CHD7: variants seen among roughly 807,000 people sequenced by gnomAD.
CHD7 encodes ATP-dependent chromatin remodeler CHD7.
CHD7 carries 24 observed loss-of-function variants against 307.3 expected under a neutral mutation model. That is an observed-to-expected ratio of 0.08 (90% CI 0.06 to 0.11). The LOEUF (loss-of-function observed/expected upper bound fraction) is 0.11. Ranked by LOEUF, CHD7 falls within the 10% of genes least tolerant of loss-of-function variation. The pLI, the probability that CHD7 is intolerant of heterozygous loss-of-function variation, is 1.00. For synonymous variants in CHD7, 1,363 were observed against 1,349.9 expected, an observed-to-expected ratio of 1.01 and a Z score of -0.21; for missense variants, 3,106 against 3,727.1, an observed-to-expected ratio of 0.83 and a Z score of 4.34.
chr8:60,858,212 C>T (rs529098446), intron 34 of CHD7, among the ~76,000 whole-genome samples: 13 of 152,330 alleles, frequency 8.5e-5, no homozygotes, highest in African/African-American at 2.9e-4. Flanking sequence ...ATCGAGATTG[C>T]ATCACTGCAC....
chr8:60,761,383 C>T (rs1367483665), intron 2 of CHD7, among the ~76,000 whole-genome samples: 1 of 151,110 alleles, frequency 6.6e-6, no homozygotes, highest in Non-Finnish European at 1.5e-5. Context: ...GGGAGATATA[C>T]CTAATGCTAA....
At chr8:60,844,130 G>T (rs541705481) in intron 21 of CHD7, among the ~76,000 whole-genome samples, 1 of 152,326 alleles carries the variant, frequency 6.6e-6, no homozygotes, top group South Asian at 2.1e-4. Flanking sequence ...TATTTGTTGT[G>T]TGGTCTTACT....
intron 1 of CHD7, among the ~76,000 whole-genome samples, chr8:60,700,650 C>G (rs1040675037): frequency 6.6e-6 from 1 of 152,214 alleles, no homozygotes; most frequent in Non-Finnish European, 1.5e-5. Context: ...GTCACATGGT[C>G]TGTCAACATG....
At chr8:60,719,136 C>T (rs1198258833) in intron 1 of CHD7, among the ~76,000 whole-genome samples, 1 of 152,232 alleles carries the variant, frequency 6.6e-6, no homozygotes, top group Non-Finnish European at 1.5e-5. Flanking sequence ...ACTATGTTTA[C>T]AGGTAGCCTC....
At chr8:60,863,285 T>G (rs1280032335) in intron 37 of CHD7, 1 of 152,014 alleles carries the variant, frequency 6.6e-6, no homozygotes, top group African/African-American at 2.4e-5. Context: ...TGACCTGTTG[T>G]CCATCCCTGT....
intron 2 of CHD7, among the ~76,000 whole-genome samples, chr8:60,761,068 A>C (rs976625734): frequency 2.6e-5 from 4 of 152,204 alleles, no homozygotes; most frequent in East Asian, 1.9e-4. Context: ...CATTATTCAC[A>C]ATAGCAAAGA....
Position 60,842,009 on chromosome 8 carries a change from A to C in CHD7, c.4807A>C (p.Arg1603=), listed in dbSNP as rs1804997270. 6.2e-7 allele frequency: 1 copy of C among 1,613,964 alleles called. No homozygotes were observed. Among genetic ancestry groups the C allele is most frequent in the African/African-American group, 1.3e-5 (1 of 75,058 alleles). The change falls in exon 21 of 38, where the codon AGG becomes CGG. Residue 1603 remains arginine, a synonymous_variant. Transcript: ENST00000423902. ...RPQDKSQGYA[R]SECFRVEKNL... ...CCAGGATAAGTCACAGGGCTATGCA[A>C]GGAGTGAATGTTTCAGGGTGGAGAA...
At chr8:60,692,366 T>C (rs1806240193) in intron 1 of CHD7, among the ~76,000 whole-genome samples, 1 of 152,248 alleles carries the variant, frequency 6.6e-6, no homozygotes, top group Admixed American at 6.5e-5. Context: ...TATTTTCATT[T>C]CTACCACTGA....
intron 1 of CHD7, among the ~76,000 whole-genome samples, chr8:60,734,463 C>T (rs1178271073): frequency 6.6e-6 from 1 of 152,110 alleles, no homozygotes; most frequent in African/African-American, 2.4e-5. Flanking sequence ...AGCTTCTGCC[C>T]ATGTTGATGT....
intron 2 of CHD7, among the ~76,000 whole-genome samples, chr8:60,757,738 AT>A (rs1809966328): frequency 6.6e-6 from 1 of 152,226 alleles, no homozygotes; most frequent in African/African-American, 2.4e-5. Context: ...GATAGAATGT[AT>A]TTTGAGCCAC....
At chr8:60,833,686 T>G (rs1206549338) in intron 15 of CHD7, among the ~76,000 whole-genome samples, 1 of 152,244 alleles carries the variant, frequency 6.6e-6, no homozygotes, top group Admixed American at 6.5e-5. Flanking sequence ...ATACACACTT[T>G]CCAGTGTAGT....
chr8:60,842,962 A>AC (rs1156280220), intron 21 of CHD7, among the ~76,000 whole-genome samples: 1 of 151,560 alleles, frequency 6.6e-6, no homozygotes, highest in East Asian at 1.9e-4. Context: ...TGCCTAGAGG[A>AC]CCCCCCACTT....
At chr8:60,749,789 T>A (rs28710955) in intron 2 of CHD7, among the ~76,000 whole-genome samples, 79,236 of 152,092 alleles carry the variant, frequency 0.52, 24,934 homozygotes, top group East Asian at 0.78. Context: ...CTTCATGACA[T>A]CTTTAGTTAA....
At position 60,822,590 on chromosome 8, in the gene CHD7, C is replaced by A. The variant is rs1804095723; in HGVS notation, c.3045C>A (p.Ile1015=). Residue 1015 remains isoleucine, a synonymous_variant, in exon 12 of 38, where the codon ATC becomes ATA. Transcript: ENST00000423902. ...TFLYEIYLKG[I]HGPFLVIAPL... ...TCTATGAGATATATTTGAAAGGAATCCATGGCCCTTTTTTAGTAATTGCCC... is the reference window on the plus strand; with the variant it reads ...TCTATGAGATATATTTGAAAGGAATACATGGCCCTTTTTTAGTAATTGCCC... The A allele has an allele frequency of 1.2e-6, 2 of 1,613,808 alleles. No homozygotes were observed. Among genetic ancestry groups the A allele is most frequent in the South Asian group, 2.2e-5 (2 of 91,086 alleles).
At chr8:60,710,182 A>G (rs1807211169) in intron 1 of CHD7, among the ~76,000 whole-genome samples, 1 of 152,278 alleles carries the variant, frequency 6.6e-6, no homozygotes, top group South Asian at 2.1e-4. Flanking sequence ...TTAGATTTCA[A>G]AATACACGCT....
intron 1 of CHD7, among the ~76,000 whole-genome samples, chr8:60,717,318 G>A (rs149491110): frequency 6.6e-6 from 1 of 152,156 alleles, no homozygotes; most frequent in East Asian, 1.9e-4. Context: ...TAAACACTTT[G>A]GTTATTAGAC....
chr8:60,850,792 C>T (rs1284328578), intron 26 of CHD7, 170 bp downstream of exon 26: 7 of 762,698 alleles, frequency 9.2e-6, no homozygotes, highest in Non-Finnish European at 1.5e-5. Flanking sequence ...AAACAATATA[C>T]ATTATCTTGA....
chr8:60,835,231 G>A (rs1290786162), intron 15 of CHD7, among the ~76,000 whole-genome samples: 1 of 152,208 alleles, frequency 6.6e-6, no homozygotes, highest in South Asian at 2.1e-4. Context: ...ATAAGCGTGT[G>A]TCAGGCAGGG....
intron 2 of CHD7, among the ~76,000 whole-genome samples, chr8:60,778,154 A>G (rs549720084): frequency 1.4e-4 from 21 of 152,082 alleles, no homozygotes; most frequent in African/African-American, 5.1e-4. Flanking sequence ...TATTACTGGG[A>G]GCTCCAGGTT....
Sources: allele counts gnomAD v4.1 joint callset (sites outside exome capture counted in the v4.1 genomes callset), GRCh38; gene constraint gnomAD v4.1.1; transcripts MANE v1.5; gene names NCBI Gene and HGNC (gene_info 2026-07-23, HGNC 2026-07-21).